Variants in ADRM1 observed in about 807,000 individuals in gnomAD.
ADRM1 encodes proteasomal ubiquitin receptor ADRM1.
ADRM1 carries 2 observed loss-of-function variants against 40.1 expected under a neutral mutation model. The observed-to-expected ratio is 0.05, with a 90% CI of 0.02 to 0.16. The LOEUF (loss-of-function observed/expected upper bound fraction) is 0.16. Ranked by LOEUF, ADRM1 falls within the 10% of genes least tolerant of loss-of-function variation. The pLI is 1.00. For synonymous variants in ADRM1, 287 were observed against 240.4 expected, an observed-to-expected ratio of 1.19 and a Z score of -1.79; for missense variants, 467 against 552.5, an observed-to-expected ratio of 0.85 and a Z score of 1.55.
chr20:62,305,919 G>T (rs545776764), intron 3 of ADRM1: 2 of 405,672 alleles, frequency 4.9e-6, no homozygotes, highest in Non-Finnish European at 9.2e-6. Context: ...AAGTGCCTTC[G>T]GAGCTCTAGG....
chr20:62,307,555 G>A (rs755166722), intron 6 of ADRM1, 41 bp from the exon 7 acceptor site: 3 of 1,602,132 alleles, frequency 1.9e-6, no homozygotes, highest in Non-Finnish European at 1.7e-6. Flanking sequence ...GCCCTGCCGT[G>A]TGGGGCGTGT....
At position 62,308,797 on chromosome 20, in the gene ADRM1, A is replaced by G. The variant is rs756879307; in HGVS notation, c.*36A>G. On this transcript the variant is annotated 3_prime_UTR_variant, in exon 10 of 10. Transcript: ENST00000253003. The stretch of plus-strand genomic sequence containing the variant: ...GTCCTCCGAGGAACTGGGCGCTTGC[A>G]GTGCGTTGCACACCCTCACCTCCCA... 1.7e-5 allele frequency: 28 copies of G among 1,609,544 alleles called. No individual in the cohort carries two copies. Among genetic ancestry groups the G allele is most frequent in the Admixed American group, 1.0e-4 (6 of 59,332 alleles).
chr20:62,308,580 C>T, intron 9 of ADRM1, 75 bp from the exon 10 acceptor site: 1 of 1,581,150 alleles, frequency 6.3e-7, no homozygotes, highest in South Asian at 1.1e-5. Flanking sequence ...AGCCCTTCTG[C>T]CCTTGATCCC....
At chr20:62,307,244 T>TC in intron 5 of ADRM1, 127 bp from the exon 6 acceptor site, 2 of 915,812 alleles carry the variant, frequency 2.2e-6, no homozygotes, top group Non-Finnish European at 3.2e-6. Context: ...GGCCTGTGGG[T>TC]CCCCACCGCC....
chr20:62,304,361 G>C, intron 2 of ADRM1, 100 bp from the exon 3 acceptor site: 2 of 995,834 alleles, frequency 2.0e-6, no homozygotes, highest in Admixed American at 4.1e-5. Context: ...TGCCCCTTGC[G>C]CACCCCACCC....
At chr20:62,305,762 G>C (rs895297023) in intron 3 of ADRM1, 1 of 201,358 alleles carries the variant, frequency 5.0e-6, no homozygotes, top group Non-Finnish European at 1.0e-5. Flanking sequence ...GCGTGTGCTC[G>C]ATTGTGAGCG....
intron 9 of ADRM1, 23 bp from the exon 10 acceptor site, chr20:62,308,632 C>T (rs1487674965): frequency 2.5e-6 from 4 of 1,610,954 alleles, no homozygotes; most frequent in Non-Finnish European, 3.4e-6. Flanking sequence ...TAGACACCAC[C>T]TTGTGTCTTT....
At chr20:62,304,263 C>T in intron 2 of ADRM1, 198 bp from the exon 3 acceptor site, 2 of 577,958 alleles carry the variant, frequency 3.5e-6, no homozygotes, top group South Asian at 2.0e-5. Context: ...CCTGCTCTCT[C>T]CCCCGGCCTT....
Position 62,308,753 on chromosome 20 carries a change from C to T in ADRM1, c.1216C>T (p.Leu406=). The part of the protein sequence containing the change: ...DKKDEEEDMS[L]D ...GAAGGACGAAGAGGAGGACATGAGC[C>T]TGGACTGAGCCACGCGCCGTCCTCC... Residue 406 remains leucine (L), a synonymous_variant, in exon 10 of 10, where the codon CTG becomes TTG. Transcript: ENST00000253003. 7 of 1,612,924 alleles carry T rather than the reference C, an allele frequency of 4.3e-6. No homozygotes were observed. The highest frequency in any genetic ancestry group is 3.3e-5 in the South Asian group (3 of 91,072).
intron 3 of ADRM1, chr20:62,305,989 G>A: frequency 3.3e-6 from 2 of 604,574 alleles, no homozygotes; most frequent in Non-Finnish European, 5.7e-6. Flanking sequence ...CGGCGGATGG[G>A]GACAGGGCGC....
intron 2 of ADRM1, 129 bp from the exon 3 acceptor site, chr20:62,304,332 A>T (rs1984573322): frequency 1.4e-6 from 1 of 698,738 alleles, no homozygotes; most frequent in Admixed American, 2.3e-5. Context: ...CCTGCCAGCG[A>T]GGGGTCTGGC....
At position 62,308,713 on chromosome 20, in the gene ADRM1, C is replaced by T. The variant is rs140380365; in HGVS notation, c.1176C>T (p.Gly392=). The change falls in exon 10 of 10, where the codon GGC becomes GGT. Residue 392 remains glycine (G), a synonymous_variant. Coordinates refer to ENST00000253003, the MANE Select transcript of ADRM1 (RefSeq NM_007002.4). ...ACGCCAAGCCCGAGCAGAAAGAGGG[C>T]GACACGAAGGACAAGAAGGACGAAG... is the stretch of plus-strand genomic sequence containing the variant. The part of the protein sequence containing the change: ...QNNAKPEQKE[G]DTKDKKDEEE... The T allele has an allele frequency of 1.7e-5, 28 of 1,612,874 alleles. No individual in the cohort carries two copies. Among genetic ancestry groups the T allele is most frequent in the South Asian group, 4.4e-5 (4 of 91,076 alleles).
intron 4 of ADRM1, 111 bp from the exon 5 acceptor site, chr20:62,306,536 CT>C: frequency 7.6e-7 from 1 of 1,318,446 alleles, no homozygotes; most frequent in Non-Finnish European, 1.1e-6. Context: ...GTGGTGCCCC[CT>C]GTAGGGTTCA....
rs1984996282 is a variant in ADRM1, at chr20:62,306,531, G to A, written c.455-117G>A. On this transcript the variant is annotated intron_variant, in intron 4 of 9. Transcript: ENST00000253003. ...CCACCGTCGCCTCACTTCAAGTGGT[G>A]CCCCCTGTAGGGTTCAGGGGCAGCC... The A allele has an allele frequency of 3.1e-6, 4 of 1,291,552 alleles. No homozygotes were observed. In the African/African-American group the frequency reaches 4.4e-5, roughly 14 times the overall value. 80.0% of individuals were successfully genotyped at this position (1,291,552 alleles called of 1,614,324 possible).
intron 6 of ADRM1, 50 bp downstream of exon 6, chr20:62,307,502 G>A: frequency 6.2e-7 from 1 of 1,600,792 alleles, no homozygotes; most frequent in Non-Finnish European, 8.5e-7. Context: ...TAAGGGAGGG[G>A]CAGTGGGGAA....
intron 3 of ADRM1, among the ~76,000 whole-genome samples, chr20:62,304,876 C>T (rs554599009): frequency 3.3e-5 from 5 of 152,342 alleles, no homozygotes; most frequent in East Asian, 1.9e-4. Flanking sequence ...TGCCCCTTGC[C>T]GTGGGTCACT....
intron 2 of ADRM1, 193 bp from the exon 3 acceptor site, chr20:62,304,268 G>A (rs1347194428): frequency 8.6e-6 from 5 of 579,426 alleles, no homozygotes; most frequent in Non-Finnish European, 1.5e-5. Flanking sequence ...TCTCTCCCCC[G>A]GCCTTGCCTT....
chr20:62,306,442 G>A (rs769927294), intron 4 of ADRM1, 122 bp downstream of exon 4: 2 of 1,520,850 alleles, frequency 1.3e-6, no homozygotes, highest in African/African-American at 1.4e-5. Context: ...AAAAGTTAGA[G>A]ACCCTGTGAG....
intron 8 of ADRM1, 59 bp from the exon 9 acceptor site, chr20:62,308,309 G>A (rs1985457995): frequency 1.3e-6 from 2 of 1,551,724 alleles, no homozygotes; most frequent in South Asian, 2.3e-5. Context: ...CAGCTGAGCA[G>A]TGTGGCTCTG....
Sources: allele counts gnomAD v4.1 joint callset (sites outside exome capture counted in the v4.1 genomes callset), GRCh38; gene constraint gnomAD v4.1.1; transcripts MANE v1.5; gene names NCBI Gene and HGNC (gene_info 2026-07-23, HGNC 2026-07-21).